The following TINAG variants were observed in gnomAD, a reference collection of about 807,000 sequenced individuals.
TINAG encodes the protein tubulointerstitial nephritis antigen.
In TINAG, 83 loss-of-function variants were observed where a neutral mutation model predicts 72.7. The observed-to-expected ratio is 1.14, with a 90% CI of 0.96 to 1.37. The LOEUF is 1.37. TINAG is among the 40% of genes most tolerant of loss of function. The pLI is 0.00. For synonymous variants in TINAG, 234 were observed against 189.9 expected, an observed-to-expected ratio of 1.23 and a Z score of -1.91; for missense variants, 685 against 576.6, an observed-to-expected ratio of 1.19 and a Z score of -1.93.
intron 9 of TINAG, among the ~76,000 whole-genome samples, chr6:54,360,721 G>T (rs1032147874): frequency 6.6e-6 from 1 of 151,134 alleles, no homozygotes; most frequent in African/African-American, 2.4e-5. Flanking sequence ...GAAAGAATTA[G>T]TATAAACATT....
chr6:54,363,921 G>A (rs953939513), intron 9 of TINAG, among the ~76,000 whole-genome samples: 3 of 151,756 alleles, frequency 2.0e-5, no homozygotes, highest in African/African-American at 7.2e-5. Flanking sequence ...AGGGGACCAA[G>A]TGGTAACTCT....
chr6:54,381,960 C>T (rs1763963802), intron 10 of TINAG, among the ~76,000 whole-genome samples: 1 of 152,026 alleles, frequency 6.6e-6, no homozygotes, highest in South Asian at 2.1e-4. Context: ...TCAACCTGAT[C>T]ATTCCCACCC....
intron 1 of TINAG, among the ~76,000 whole-genome samples, chr6:54,318,686 T>A (rs556741): frequency 1.3e-5 from 2 of 152,080 alleles, no homozygotes; most frequent in Admixed American, 6.6e-5. Flanking sequence ...AGTAGGAAGC[T>A]ACATGATGTA....
chr6:54,313,638 C>T (rs1742278139), intron 1 of TINAG, among the ~76,000 whole-genome samples: 1 of 151,984 alleles, frequency 6.6e-6, no homozygotes, highest in African/African-American at 2.4e-5. Flanking sequence ...ATTTACTTAT[C>T]ACGTACTAAT....
chr6:54,327,185 T>C (rs1784625023), intron 4 of TINAG: 1 of 1,542,464 alleles, frequency 6.5e-7, no homozygotes, highest in Non-Finnish European at 8.8e-7. Context: ...AGAACAGCTC[T>C]GGTTGGCAGC....
At chr6:54,338,492 T>G (rs1245405582) in intron 4 of TINAG, among the ~76,000 whole-genome samples, 1 of 151,728 alleles carries the variant, frequency 6.6e-6, no homozygotes, top group East Asian at 1.9e-4. Flanking sequence ...GAGGCCGAGG[T>G]GGGCGGATCA....
chr6:54,386,020 T>G (rs1461531098), intron 10 of TINAG, among the ~76,000 whole-genome samples: 1 of 150,802 alleles, frequency 6.6e-6, no homozygotes, highest in Non-Finnish European at 1.5e-5. Context: ...GTCTCCCGAG[T>G]AGCTGGGAAT....
At chr6:54,368,186 C>T (rs1374252721) in intron 9 of TINAG, among the ~76,000 whole-genome samples, 1 of 148,694 alleles carries the variant, frequency 6.7e-6, no homozygotes, top group South Asian at 2.1e-4. Flanking sequence ...AACTTTTATT[C>T]TAGATTTTTA....
chr6:54,361,522 G>A lies in TINAG; in HGVS notation c.1250+6886G>A, dbSNP rs371851066. Reference sequence around the variant, plus strand: ...ATGAGAACTCACTATTACAAGAACAGTAAGGGGGAGATCCACTCCTATGAT... The same window carrying A: ...ATGAGAACTCACTATTACAAGAACAATAAGGGGGAGATCCACTCCTATGAT... On this transcript the variant is annotated intron_variant, in intron 9 of 10. Transcript: ENST00000259782. 4.6e-5 allele frequency among the ~76,000 whole-genome samples: 7 copies of A among 151,726 alleles called. No homozygotes were observed. The South Asian group carries it at 1.4e-3, about 31-fold the overall frequency.
At chr6:54,373,685 G>T (rs547182812) in intron 9 of TINAG, among the ~76,000 whole-genome samples, 23 of 152,096 alleles carry the variant, frequency 1.5e-4, no homozygotes, top group Non-Finnish European at 2.8e-4. Context: ...AAATGAGCAC[G>T]AATATTCCAT....
At chr6:54,370,921 T>C (rs1297296269) in intron 9 of TINAG, among the ~76,000 whole-genome samples, 3 of 152,216 alleles carry the variant, frequency 2.0e-5, no homozygotes, top group African/African-American at 7.2e-5. Context: ...ACTGATCAGG[T>C]CTGTTCCACT....
At chr6:54,310,189 C>T (rs1217757053) in intron 1 of TINAG, among the ~76,000 whole-genome samples, 4 of 151,390 alleles carry the variant, frequency 2.6e-5, no homozygotes, top group African/African-American at 9.7e-5. Context: ...CTCAAACAAT[C>T]CTCCTCCCTC....
intron 5 of TINAG, 57 bp from the exon 6 acceptor site, chr6:54,347,310 C>G (rs1349942303): frequency 6.3e-7 from 1 of 1,576,474 alleles, no homozygotes; most frequent in Non-Finnish European, 8.6e-7. Context: ...GGGTTATGTA[C>G]CTTATTAGAA....
At chr6:54,313,379 C>A (rs1305108031) in intron 1 of TINAG, among the ~76,000 whole-genome samples, 1 of 152,108 alleles carries the variant, frequency 6.6e-6, no homozygotes, top group Non-Finnish European at 1.5e-5. Context: ...CCTCACAGAA[C>A]CTGCACATAG....
At chr6:54,347,202 A>T (rs1785142723) in intron 5 of TINAG, among the ~76,000 whole-genome samples, 165 bp from the exon 6 acceptor site, 1 of 152,152 alleles carries the variant, frequency 6.6e-6, no homozygotes, top group Non-Finnish European at 1.5e-5. Flanking sequence ...AGTATGACAC[A>T]GTTCAACTGT....
intron 3 of TINAG, among the ~76,000 whole-genome samples, chr6:54,326,488 G>A (rs986233144): frequency 2.0e-5 from 3 of 151,862 alleles, no homozygotes; most frequent in Admixed American, 6.6e-5. Flanking sequence ...TTTCTAAGAT[G>A]CATTTAATGG....
chr6:54,330,570 T>G (rs1784714389), intron 4 of TINAG, among the ~76,000 whole-genome samples: 1 of 151,450 alleles, frequency 6.6e-6, no homozygotes, highest in Non-Finnish European at 1.5e-5. Context: ...GCAAACAAAT[T>G]CAAAAGCTAG....
At chr6:54,350,970 A>T (rs1403780312) in intron 7 of TINAG, among the ~76,000 whole-genome samples, 2 of 151,930 alleles carry the variant, frequency 1.3e-5, no homozygotes, top group African/African-American at 4.8e-5. Context: ...ATTAAACATT[A>T]GGAGACATCA....
At chr6:54,310,100 T>TGTGTGTGTGTGTGTGTGTGTGG (rs1784205875) in intron 1 of TINAG, among the ~76,000 whole-genome samples, 1 of 150,462 alleles carries the variant, frequency 6.6e-6, no homozygotes, top group Non-Finnish European at 1.5e-5. Flanking sequence ...TGTGTGTGTG[T>TGTGTGTGTGTGTGTGTGTGTGG]GTGTGTGAGT....
Sources: allele counts gnomAD v4.1 joint callset (sites outside exome capture counted in the v4.1 genomes callset), GRCh38; gene constraint gnomAD v4.1.1; transcripts MANE v1.5; gene names NCBI Gene and HGNC (gene_info 2026-07-23, HGNC 2026-07-21).